The following ARPC1A variants were observed in gnomAD, a reference collection of about 807,000 sequenced individuals.
ARPC1A encodes actin related protein 2/3 complex subunit 1A.
In ARPC1A, 8 loss-of-function variants were observed where a neutral mutation model predicts 46.9. The observed-to-expected ratio is 0.17, with a 90% CI of 0.10 to 0.31. The LOEUF (loss-of-function observed/expected upper bound fraction) is 0.31, where lower values mean the gene tolerates loss of function less well. Among genes scored for constraint, ARPC1A ranks in the 10% least tolerant of loss-of-function variants. The pLI is 1.00. For missense variants in ARPC1A, 286 were observed against 483.6 expected, an observed-to-expected ratio of 0.59 and a Z score of 3.83; for synonymous variants, 152 against 169.0, an observed-to-expected ratio of 0.90 and a Z score of 0.78.
At chr7:99,364,967 G>A (rs140065914) in intron 9 of ARPC1A, among the ~76,000 whole-genome samples, 1 of 152,220 alleles carries the variant, frequency 6.6e-6, no homozygotes, top group African/African-American at 2.4e-5. Flanking sequence ...GGAACAGGTT[G>A]CACCTGAGCG....
At chr7:99,340,674 C>T (rs1420879802) in intron 3 of ARPC1A, among the ~76,000 whole-genome samples, 1 of 152,166 alleles carries the variant, frequency 6.6e-6, no homozygotes, top group Non-Finnish European at 1.5e-5. Flanking sequence ...TAGTTGGACT[C>T]TGCAATTTTA....
At chr7:99,327,619 G>C (rs1210251226) in intron 1 of ARPC1A, among the ~76,000 whole-genome samples, 2 of 151,900 alleles carry the variant, frequency 1.3e-5, no homozygotes, top group African/African-American at 4.8e-5. Flanking sequence ...ACCACACCCA[G>C]CTTATATGGC....
At chr7:99,348,469 G>A (rs764742330) in intron 4 of ARPC1A, among the ~76,000 whole-genome samples, 3 of 152,142 alleles carry the variant, frequency 2.0e-5, no homozygotes, top group African/African-American at 7.2e-5. Context: ...CACTTTGGGA[G>A]GCTGAGGCCG....
chr7:99,341,550 G>A (rs928045678), intron 3 of ARPC1A, among the ~76,000 whole-genome samples: 8 of 151,084 alleles, frequency 5.3e-5, no homozygotes, highest in Admixed American at 1.3e-4. Context: ...CGGAGGTTAC[G>A]GTGAGCCGAG....
intron 3 of ARPC1A, among the ~76,000 whole-genome samples, chr7:99,341,414 C>T (rs1173295547): frequency 6.6e-6 from 1 of 151,896 alleles, no homozygotes; most frequent in Admixed American, 6.6e-5. Flanking sequence ...TCGAGACCAG[C>T]GTGACCAACA....
intron 1 of ARPC1A, among the ~76,000 whole-genome samples, chr7:99,326,915 C>T (rs1271511533): frequency 1.3e-5 from 2 of 152,206 alleles, no homozygotes; most frequent in East Asian, 3.8e-4. Flanking sequence ...ATTTACAACA[C>T]TGCTGGGAAC....
chr7:99,360,726 G>C (rs937300414), intron 8 of ARPC1A, among the ~76,000 whole-genome samples: 3 of 152,058 alleles, frequency 2.0e-5, no homozygotes, highest in Non-Finnish European at 2.9e-5. Context: ...GATCACTTGA[G>C]GTCAGGAGTT....
intron 5 of ARPC1A, among the ~76,000 whole-genome samples, chr7:99,349,614 G>A (rs974913074): frequency 9.2e-5 from 14 of 152,046 alleles, no homozygotes; most frequent in African/African-American, 9.7e-5. Context: ...TGAGGTGGGC[G>A]GATCACAAGG....
At chr7:99,335,926 C>T (rs886978716) in intron 2 of ARPC1A, among the ~76,000 whole-genome samples, 16 of 151,986 alleles carry the variant, frequency 1.1e-4, no homozygotes, top group African/African-American at 3.9e-4. Flanking sequence ...CGCACTCCAG[C>T]CTTGGCAACA....
chr7:99,344,225 C>T (rs930938431), intron 3 of ARPC1A, 68 bp from the exon 4 acceptor site: 4 of 1,492,924 alleles, frequency 2.7e-6, no homozygotes, highest in Non-Finnish European at 2.8e-6. Flanking sequence ...CCAGTGCCAC[C>T]CACCTGCCTG....
At chr7:99,358,552 T>G in intron 7 of ARPC1A, 137 bp downstream of exon 7, 1 of 819,194 alleles carries the variant, frequency 1.2e-6, no homozygotes, top group Non-Finnish European at 1.8e-6. Context: ...TTTTTTTTTT[T>G]TTTTTTGAGA....
chr7:99,351,274 T>C (rs1278247658), intron 5 of ARPC1A, among the ~76,000 whole-genome samples: 1 of 152,122 alleles, frequency 6.6e-6, no homozygotes, highest in Non-Finnish European at 1.5e-5. Context: ...AGTGCAGTGG[T>C]GTGATCCTGG....
chr7:99,350,111 G>A lies in ARPC1A; in HGVS notation c.500+1152G>A, dbSNP rs117742021. Among the ~76,000 whole-genome samples, 25 of 152,302 alleles carry A rather than the reference G, an allele frequency of 1.6e-4. No homozygotes were observed. The East Asian group carries it at 4.2e-3, about 26-fold the overall frequency. On this transcript the variant is annotated intron_variant, in intron 5 of 9. Coordinates refer to ENST00000262942, the MANE Select transcript of ARPC1A (RefSeq NM_006409.4). The stretch of plus-strand genomic sequence containing the variant: ...AAAGAACAAGTTCATAAGTCACTGA[G>A]GTAAAAAGAAATCCACTTGGAAGTG...
rs981330346 is a variant in ARPC1A, at chr7:99,353,627, G to A, written c.501-282G>A. Among the ~76,000 whole-genome samples the A allele has an allele frequency of 4.6e-5, 7 of 151,670 alleles. No individual in the cohort carries two copies. The South Asian group carries it at 8.3e-4, about 18-fold the overall frequency. On this transcript the variant is annotated intron_variant, in intron 5 of 9. Coordinates refer to ENST00000262942, the MANE Select transcript of ARPC1A (RefSeq NM_006409.4). ...TGAGTAGTTGGGATTACAGGCATGC[G>A]CCCCCACGCTTGGCTAATTTTGTGT...
At chr7:99,344,571 CTG>C in intron 4 of ARPC1A, 56 bp downstream of exon 4, 1 of 1,542,548 alleles carries the variant, frequency 6.5e-7, no homozygotes, top group Non-Finnish European at 8.9e-7. Context: ...ATTTGCACTG[CTG>C]TGTGAGGGCT....
chr7:99,352,678 C>T (rs1298319486), intron 5 of ARPC1A, among the ~76,000 whole-genome samples: 6 of 148,616 alleles, frequency 4.0e-5, no homozygotes, highest in East Asian at 2.0e-4. Context: ...AAAGTTGGAG[C>T]GGGGGATCAG....
At chr7:99,365,124 G>A (rs1450442004) in intron 9 of ARPC1A, among the ~76,000 whole-genome samples, 1 of 152,160 alleles carries the variant, frequency 6.6e-6, no homozygotes, top group Non-Finnish European at 1.5e-5. Flanking sequence ...CCCGTGCTGT[G>A]GTCCTCCGGA....
chr7:99,345,607 A>C (rs529704164), intron 4 of ARPC1A, among the ~76,000 whole-genome samples: 1 of 152,162 alleles, frequency 6.6e-6, no homozygotes, highest in Non-Finnish European at 1.5e-5. Context: ...GCAGTGAGCC[A>C]AGATCGTGCC....
chr7:99,330,461 C>A (rs554279426), intron 1 of ARPC1A, among the ~76,000 whole-genome samples: 43 of 152,258 alleles, frequency 2.8e-4, no homozygotes, highest in Admixed American at 1.6e-3. Context: ...ATTACAGGTG[C>A]CTGCCACCAT....
Sources: allele counts gnomAD v4.1 joint callset (sites outside exome capture counted in the v4.1 genomes callset), GRCh38; gene constraint gnomAD v4.1.1; transcripts MANE v1.5; gene names NCBI Gene and HGNC (gene_info 2026-07-23, HGNC 2026-07-21).